TRAPPC9: variants seen among roughly 807,000 people sequenced by gnomAD.
TRAPPC9 encodes the protein IKK2 binding protein.
In TRAPPC9, 83 loss-of-function variants were observed where a neutral mutation model predicts 124.0. The observed-to-expected ratio is 0.67, with a 90% confidence interval of 0.56 to 0.80. The LOEUF (loss-of-function observed/expected upper bound fraction) is 0.80, where lower values mean the gene tolerates loss of function less well. Ranked by LOEUF, TRAPPC9 falls within the 30% of genes least tolerant of loss-of-function variation. The probability of loss-of-function intolerance (pLI) is 0.00; values close to 1 mark genes in which losing one functional copy is unlikely to be tolerated. For synonymous variants in TRAPPC9, 638 were observed against 617.5 expected (o/e 1.03, Z -0.49); for missense variants, 1,302 against 1,508.3 (o/e 0.86, Z 2.27).
intron 20 of TRAPPC9, among the ~76,000 whole-genome samples, chr8:139,899,675 C>G (rs1335123853): frequency 6.6e-6 from 1 of 152,188 alleles, no homozygotes; most frequent in African/African-American, 2.4e-5. Context: ...TCTTCCTTCT[C>G]TGCAAGCTGC....
In TRAPPC9 at chr8:140,252,111, G is replaced by A. The variant is rs2064144912; in HGVS notation, c.2431+666C>T. Among the ~76,000 whole-genome samples the A allele has an allele frequency of 6.6e-6, 1 of 150,836 alleles. No homozygotes were observed. The highest frequency in any genetic ancestry group is 6.6e-5 in the Admixed American group (1 of 15,110). ...GTGATCTCGACTCACTGCAACCTCC[G>A]CCTCCCAGGTTCAAGCGATTCTCCT... On this transcript the variant is annotated intron_variant, in intron 16 of 22. Coordinates refer to ENST00000438773, the MANE Select transcript of TRAPPC9 (RefSeq NM_001160372.4). The surrounding 1 kb of genome is among the most constrained non-coding windows in gnomAD (Gnocchi z 4.2).
chr8:140,351,126 C>T lies in TRAPPC9; in HGVS notation c.1495+8924G>A, dbSNP rs539919617. Among the ~76,000 whole-genome samples, 7 of 148,756 alleles carry T rather than the reference C, an allele frequency of 4.7e-5. No homozygotes were observed. The East Asian group carries it at 1.5e-3, about 32-fold the overall frequency. ...TTCCAGGGCTGGGCCGGAACAACCGCGTGGGTAGTCAGGTAAAGGATGAGG... is the reference window on the plus strand; with the variant it reads ...TTCCAGGGCTGGGCCGGAACAACCGTGTGGGTAGTCAGGTAAAGGATGAGG... On this transcript the variant is annotated intron_variant, in intron 9 of 22. Coordinates refer to ENST00000438773, the MANE Select transcript of TRAPPC9 (RefSeq NM_001160372.4).
chr8:140,002,202 A>G (rs78005117), intron 18 of TRAPPC9, among the ~76,000 whole-genome samples: 2,498 of 152,124 alleles, frequency 0.016, 64 homozygotes, highest in African/African-American at 0.055. Context: ...AGCATCTGAC[A>G]AAACTCAAAT....
At chr8:140,301,435 A>G (rs113278980) in intron 10 of TRAPPC9, among the ~76,000 whole-genome samples, 4,743 of 152,332 alleles carry the variant, frequency 0.031, 251 homozygotes, top group African/African-American at 0.11. Flanking sequence ...CATGTCATCA[A>G]TAAGGAAACT....
At chr8:140,015,814 A>G (rs1263068295) in intron 18 of TRAPPC9, among the ~76,000 whole-genome samples, 6 of 152,156 alleles carry the variant, frequency 3.9e-5, no homozygotes, top group African/African-American at 9.7e-5. Flanking sequence ...GAACTTAAAT[A>G]TATATATAAA....
At position 139,805,168 on chromosome 8, in the gene TRAPPC9, C is replaced by T. The variant is rs538035366; in HGVS notation, c.3056-72966G>A. Among the ~76,000 whole-genome samples, 10 of 152,356 alleles carry T rather than the reference C, an allele frequency of 6.6e-5. No individual in the cohort carries two copies. In the East Asian group the frequency reaches 1.2e-3, roughly 18 times the overall value. On this transcript the variant is annotated intron_variant, in intron 21 of 22. Transcript: ENST00000438773. ...GCCTCCTTCCACTGTTGGATCCACA[C>T]CAAACCCTGCGGAGACCCCCTGGAT...
chr8:140,416,577 A>T (rs912616728), intron 5 of TRAPPC9, among the ~76,000 whole-genome samples: 53 of 152,372 alleles, frequency 3.5e-4, no homozygotes, highest in Middle Eastern at 6.8e-3. Flanking sequence ...GAGGACACAA[A>T]CAAATGGAAA....
intron 9 of TRAPPC9, among the ~76,000 whole-genome samples, chr8:140,349,395 T>C (rs71513617): frequency 2.2e-5 from 1 of 44,658 alleles, no homozygotes; most frequent in Admixed American, 2.5e-4. Flanking sequence ...GCGGGGCCGA[T>C]GGGGGCGCGC....
chr8:140,195,413 C>T (rs2062625189), intron 17 of TRAPPC9, among the ~76,000 whole-genome samples: 1 of 152,012 alleles, frequency 6.6e-6, no homozygotes, highest in African/African-American at 2.4e-5. Flanking sequence ...GTACAGATCG[C>T]ATCTGTGACA....
At chr8:140,134,267 C>CT (rs61492002) in intron 17 of TRAPPC9, among the ~76,000 whole-genome samples, 32,619 of 149,736 alleles carry the variant, frequency 0.22, 3,865 homozygotes, top group Non-Finnish European at 0.28. Context: ...TGATTGTCTT[C>CT]TTTTTTTTTT....
chr8:140,378,717 GGGGATCTTGGC>G (rs1308767829), intron 7 of TRAPPC9, among the ~76,000 whole-genome samples: 4 of 152,156 alleles, frequency 2.6e-5, no homozygotes, highest in African/African-American at 7.2e-5. Flanking sequence ...GTGTCGTTTA[GGGGATCTTGGC>G]TTTACACATG....
chr8:140,192,938 C>T lies in TRAPPC9; in HGVS notation c.2556+28521G>A, dbSNP rs373929425. On this transcript the variant is annotated intron_variant, in intron 17 of 22. Coordinates refer to ENST00000438773, the MANE Select transcript of TRAPPC9 (RefSeq NM_001160372.4). Reference sequence around the variant, plus strand: ...GATTACAGGCATCCACCATCACACCCGGCTAATTTTTGTATTTTGAGTGGA... The same window carrying T: ...GATTACAGGCATCCACCATCACACCTGGCTAATTTTTGTATTTTGAGTGGA... Among the ~76,000 whole-genome samples the T allele has an allele frequency of 7.2e-5, 11 of 152,216 alleles. No homozygotes were observed. In the East Asian group the frequency reaches 9.7e-4, roughly 13 times the overall value.
chr8:140,005,373 CAGCACCAGCACATGA>C lies in TRAPPC9; in HGVS notation c.2700-16552_2700-16538del, dbSNP rs1481556055. ...CTCTATGGGGAAGGAACGCAGCACA[CAGCACCAGCACATGA>C]AGCACAGCAGCGTGGGCACCAGTCA... On this transcript the variant is annotated intron_variant, in intron 18 of 22. Coordinates refer to ENST00000438773, the MANE Select transcript of TRAPPC9 (RefSeq NM_001160372.4). Among the ~76,000 whole-genome samples the C allele has an allele frequency of 2.6e-5, 4 of 152,190 alleles. No homozygotes were observed. The East Asian group carries it at 7.7e-4, about 29-fold the overall frequency.
chr8:139,937,825 C>A (rs1833632609), intron 19 of TRAPPC9, among the ~76,000 whole-genome samples: 1 of 152,170 alleles, frequency 6.6e-6, no homozygotes, highest in Non-Finnish European at 1.5e-5. Flanking sequence ...CCTTCTCTGG[C>A]CAGCGCTTGA....
chr8:140,051,025 C>T (rs1408724775), intron 17 of TRAPPC9, among the ~76,000 whole-genome samples: 1 of 152,228 alleles, frequency 6.6e-6, no homozygotes, highest in African/African-American at 2.4e-5. Context: ...GACACAATCT[C>T]GTACAGAGAG....
intron 21 of TRAPPC9, among the ~76,000 whole-genome samples, chr8:139,749,115 C>T (rs779518729): frequency 6.6e-6 from 1 of 152,154 alleles, no homozygotes; most frequent in Non-Finnish European, 1.5e-5. Context: ...GTCTCTCACC[C>T]CAGTGCCCTG....
chr8:140,458,452 G>A (rs536264464), upstream of TRAPPC9: 2 of 1,573,266 alleles, frequency 1.3e-6, no homozygotes, highest in African/African-American at 1.4e-5. Flanking sequence ...GGCGCGCGCG[G>A]CCTGGGAGCG....
intron 17 of TRAPPC9, among the ~76,000 whole-genome samples, chr8:140,210,437 G>A (rs1421897208): frequency 6.6e-6 from 1 of 152,156 alleles, no homozygotes; most frequent in Admixed American, 6.5e-5. Flanking sequence ...CTGCTGGAGG[G>A]AAGTGGGGGG....
intron 18 of TRAPPC9, among the ~76,000 whole-genome samples, chr8:140,002,165 C>A (rs1172329688): frequency 2.0e-5 from 3 of 151,784 alleles, no homozygotes; most frequent in Non-Finnish European, 4.4e-5. Flanking sequence ...ACCAATAATA[C>A]TCAACAAATT....
Sources: gnomAD v4.1 joint callset for allele counts (sites outside exome capture counted in the v4.1 genomes callset) on GRCh38, gnomAD v4.1.1 for gene constraint, Gnocchi (gnomAD v3.1) non-coding constraint, MANE v1.5 for transcripts, NCBI Gene and HGNC (gene_info 2026-07-23, HGNC 2026-07-21) for gene names.